The following C1QTNF6 variants were observed in gnomAD, a reference collection of about 807,000 sequenced individuals.
C1QTNF6 encodes the protein C1q and TNF related 6, also known as complement C1q tumor necrosis factor-related protein 6.
A neutral mutation model predicts 20.7 loss-of-function variants in C1QTNF6; 17 were observed. The observed-to-expected ratio is 0.82, with a 90% CI of 0.56 to 1.23. The LOEUF is 1.23. Ranked by LOEUF, C1QTNF6 falls within the 50% of genes most tolerant of loss-of-function variation. The pLI is 0.00. For synonymous variants in C1QTNF6, 130 were observed against 156.3 expected (o/e 0.83, Z 1.25); for missense variants, 329 against 389.7 (o/e 0.84, Z 1.31).
chr22:37,197,154 A>C (rs892810967), intron 1 of C1QTNF6: 1 of 152,240 alleles, frequency 6.6e-6, no homozygotes, highest in African/African-American at 2.4e-5. Flanking sequence ...CAGGGGTGCA[A>C]GGGGGCCCAA....
intron 2 of C1QTNF6, 116 bp from the exon 3 acceptor site, chr22:37,182,851 T>G (rs1208575603): frequency 6.9e-7 from 1 of 1,449,894 alleles, no homozygotes; most frequent in Non-Finnish European, 9.1e-7. Flanking sequence ...GAAGCCAGCA[T>G]TTATTTAGCA....
At position 37,188,154 on chromosome 22, in the gene C1QTNF6, G is replaced by T; in HGVS notation, c.51+9C>A. ...AGCCCCCAAGCTTGAGGAGCCTCTG[G>T]TCACTCACCCTGTGTCCTGTGGCCT... On this transcript the variant is annotated intron_variant, in intron 1 of 2. Coordinates refer to ENST00000337843, the MANE Select transcript of C1QTNF6 (RefSeq NM_031910.4). 16 of 1,605,402 alleles carry T rather than the reference G, an allele frequency of 1.0e-5. No homozygotes were observed. Among genetic ancestry groups the T allele is most frequent in the Non-Finnish European group, 1.3e-5 (15 of 1,175,676 alleles).
chr22:37,182,132 G>T lies in C1QTNF6; in HGVS notation c.*56C>A. 6.5e-7 allele frequency: 1 copy of T among 1,541,966 alleles called. No homozygotes were observed. Among genetic ancestry groups the T allele is most frequent in the Non-Finnish European group, 8.8e-7 (1 of 1,140,940 alleles). On this transcript the variant is annotated 3_prime_UTR_variant, in exon 3 of 3. Transcript: ENST00000337843. ...TTCACAGCAGTGCAAACTGAGCCCT[G>T]CAGGGGACGGGACCAGCACCTGAGC...
chr22:37,192,705 TATTTG>T (rs576324926), upstream of C1QTNF6, among the ~76,000 whole-genome samples: 120 of 152,358 alleles, frequency 7.9e-4, no homozygotes, highest in African/African-American at 2.2e-3. Flanking sequence ...TCTGACAAAA[TATTTG>T]ATTTAAGTAC....
At position 37,182,627 on chromosome 22, in the gene C1QTNF6, C is replaced by T. The variant is rs968956911; in HGVS notation, c.398G>A (p.Gly133Asp). 2.5e-6 allele frequency: 4 copies of T among 1,613,492 alleles called. No homozygotes were observed. Among genetic ancestry groups the T allele is most frequent in the African/African-American group, 1.3e-5 (1 of 74,942 alleles). ...CTTCTGGCACGGGGCGCCGGGGCTG[C>T]CCATCTCCCCCTTGTCACCCTTGCT... ...QGSKGDKGEM[G>D]SPGAPCQKRF... The change falls in exon 3 of 3, where the codon GGC becomes GAC. Residue 133 changes from glycine (G) to aspartate (D), a missense_variant. Physicochemically the swap from Gly to Asp is moderately conservative, Grantham distance 94. Transcript: ENST00000337843.
rs1725123854 is a variant in C1QTNF6, at chr22:37,186,110, C to T, written c.52-655G>A. The T allele has an allele frequency of 6.1e-6, 6 of 985,378 alleles. No homozygotes were observed. In the South Asian group the frequency reaches 2.8e-4, roughly 46 times the overall value. The allele number at this position is 985,378 out of a possible 1,614,324, so 61.0% of individuals were successfully genotyped here. ...AGACAGAAAGCAACGTCCATGAGAG[C>T]ATGTGGGGTGGTGCGCGGTGATGGT... On this transcript the variant is annotated intron_variant, in intron 1 of 2. Coordinates refer to ENST00000337843, the MANE Select transcript of C1QTNF6 (RefSeq NM_031910.4).
chr22:37,197,370 G>A (rs1026824258), intron 1 of C1QTNF6: 5 of 152,278 alleles, frequency 3.3e-5, no homozygotes, highest in African/African-American at 1.2e-4. Context: ...GCTCCTGCCT[G>A]GCTCCAAGCC....
At chr22:37,189,621 C>G (rs910466587), upstream of C1QTNF6, among the ~76,000 whole-genome samples, 1 of 152,086 alleles carries the variant, frequency 6.6e-6, no homozygotes, top group Non-Finnish European at 1.5e-5. Flanking sequence ...GGGTTTGGTG[C>G]AGAGAGGAAC....
Position 37,185,297 on chromosome 22 carries a change from A to G in C1QTNF6, c.210T>C (p.His70=). 1 of 1,612,946 alleles carries G rather than the reference A, an allele frequency of 6.2e-7. No individual in the cohort carries two copies. The highest frequency in any genetic ancestry group is 8.5e-7 in the Non-Finnish European group (1 of 1,179,464). ...GGCCGGAGGAAGAGGCTGAGGATAC[A>G]TGGGCAGGATCCAGGGGGTCCTCAG... is the stretch of plus-strand genomic sequence containing the variant. ...CDSEDPLDPA[H]VSSASSSGRP... is the part of the protein sequence containing the mutation. Residue 70 remains histidine, a synonymous_variant, in exon 2 of 3, where the codon CAT becomes CAC. Transcript: ENST00000337843.
At chr22:37,192,774 C>T (rs941280825), upstream of C1QTNF6, among the ~76,000 whole-genome samples, 2 of 152,160 alleles carry the variant, frequency 1.3e-5, no homozygotes, top group Non-Finnish European at 2.9e-5. Flanking sequence ...ACATCACACA[C>T]ACAACATATA....
At chr22:37,195,458 A>G (rs1221710498) in exon 2 of C1QTNF6, 1 of 152,152 alleles carries the variant, frequency 6.6e-6, no homozygotes, top group Non-Finnish European at 1.5e-5. Context: ...TTCGTGGTTC[A>G]CTAGAAAAAA....
In C1QTNF6 at chr22:37,185,350, C is replaced by A; in HGVS notation, c.157G>T (p.Ala53Ser). 3 of 1,613,782 alleles carry A rather than the reference C, an allele frequency of 1.9e-6. No individual in the cohort carries two copies. The highest frequency in any genetic ancestry group is 2.5e-6 in the Non-Finnish European group (3 of 1,179,918). Residue 53 changes from alanine to serine, a missense_variant, in exon 2 of 3, where the codon GCC (alanine) becomes TCC (serine). Physicochemically the swap from Ala to Ser is moderately conservative, Grantham distance 99 (BLOSUM62 1). Transcript: ENST00000337843. ...TCACAGCACCGTTGGCAGCCGCTGG[C>A]CACAGCTCTGTCAAAGGTGAGCTCC... ...MVELTFDRAV[A>S]SGCQRCCDSE...
exon 2 of C1QTNF6, chr22:37,195,395 T>G (rs1389227418): frequency 6.6e-6 from 1 of 152,136 alleles, no homozygotes; most frequent in Admixed American, 6.5e-5. Context: ...AGTCAGCCAA[T>G]TGGGGCTGTA....
At chr22:37,196,315 CTT>C (rs1925129990) in intron 1 of C1QTNF6, 1 of 152,248 alleles carries the variant, frequency 6.6e-6, no homozygotes, top group Admixed American at 6.5e-5. Flanking sequence ...CAGTTTCCTT[CTT>C]GTTAGGCAGG....
chr22:37,188,254 T>A, upstream of C1QTNF6: 1 of 1,534,042 alleles, frequency 6.5e-7, no homozygotes, highest in African/African-American at 1.4e-5. Context: ...TACTAACTTG[T>A]TGCTGGCCCA....
rs183392477 is a variant in C1QTNF6 at position 37,183,155 on chromosome 22, C to T, written c.290-420G>A. On this transcript the variant is annotated intron_variant, in intron 2 of 2. Transcript: ENST00000337843. The stretch of plus-strand genomic sequence containing the variant: ...GCTGGAACATACTTTGGGTTTCTGA[C>T]CCAGGGAAGAAACCAAGAAAAATAC... Among the ~76,000 whole-genome samples the T allele has an allele frequency of 4.6e-5, 7 of 152,274 alleles. No individual in the cohort carries two copies. The East Asian group carries it at 1.2e-3, about 25-fold the overall frequency.
At chr22:37,186,598 G>A (rs929688655) in intron 1 of C1QTNF6, among the ~76,000 whole-genome samples, 6 of 152,222 alleles carry the variant, frequency 3.9e-5, no homozygotes, top group African/African-American at 1.4e-4. Context: ...CTCCAGGAGA[G>A]AGGCAGGAAG....
At chr22:37,198,742 C>T (rs1925303630), upstream of C1QTNF6, among the ~76,000 whole-genome samples, 1 of 151,692 alleles carries the variant, frequency 6.6e-6, no homozygotes, top group Non-Finnish European at 1.5e-5. Flanking sequence ...AACTTTGGGG[C>T]AGGCCAGGGC....
At chr22:37,196,476 G>A (rs1423378541) in intron 1 of C1QTNF6, 1 of 152,228 alleles carries the variant, frequency 6.6e-6, no homozygotes, top group Non-Finnish European at 1.5e-5. Context: ...TACATTTGTT[G>A]AAGACTTACT....
Sources: gnomAD v4.1 joint callset for allele counts (sites outside exome capture counted in the v4.1 genomes callset) on GRCh38, gnomAD v4.1.1 for gene constraint, MANE v1.5 for transcripts, NCBI Gene and HGNC (gene_info 2026-07-23, HGNC 2026-07-21) for gene names.